Variants in NAALADL2 observed in about 807,000 individuals in gnomAD.
NAALADL2 encodes inactive N-acetylated-alpha-linked acidic dipeptidase-like protein 2.
In NAALADL2, 76 loss-of-function variants were observed where a neutral mutation model predicts 87.2. The ratio of observed to expected loss-of-function variants is 0.87; its 90% CI spans 0.72 to 1.05. The LOEUF is 1.05. Ranked by LOEUF, NAALADL2 falls within the 50% of genes least tolerant of loss-of-function variation. NAALADL2 has a pLI of 0.00. For missense variants in NAALADL2, 1,089 were observed against 945.8 expected (o/e 1.15, Z -1.99); for synonymous variants, 354 against 331.0 (o/e 1.07, Z -0.75).
At chr3:175,380,489 CA>C in intron 5 of NAALADL2, among the ~76,000 whole-genome samples, 1 of 152,096 alleles carries the variant, frequency 6.6e-6, no homozygotes, top group East Asian at 1.9e-4. Flanking sequence ...GAATTACAGA[CA>C]AAAATAAAGT....
rs147898645 is a variant in NAALADL2 at position 175,798,483 on chromosome 3, C to T, written c.2190-4522C>T. ...TATGGAAAATGTGTTTAGCTACTTG[C>T]AGAATTTCACAAACTAAAAAAAGAT... On this transcript the variant is annotated intron_variant, in intron 13 of 13. Coordinates refer to ENST00000454872, the MANE Select transcript of NAALADL2 (RefSeq NM_207015.3). Among the ~76,000 whole-genome samples the T allele has an allele frequency of 3.7e-3, 562 of 152,082 alleles. 4 individuals are homozygous for T. Among genetic ancestry groups the T allele is most frequent in the African/African-American group, 0.013 (530 of 41,522 alleles).
intron 2 of NAALADL2, among the ~76,000 whole-genome samples, chr3:174,592,258 A>G (rs1190962599): frequency 8.2e-6 from 1 of 122,162 alleles, no homozygotes; most frequent in Non-Finnish European, 1.7e-5. Flanking sequence ...TTATTTTGTT[A>G]TTATTATACT....
Position 175,279,496 on chromosome 3 carries a change from T to TA in NAALADL2, c.939+22973dup, listed in dbSNP as rs1019136335. ...AATTAAAAACATGAGGTTTTTTTTT[T>TA]AAAAAAATCTCCATTTGGTCTAAAA... On this transcript the variant is annotated intron_variant, in intron 4 of 13. Coordinates refer to ENST00000454872, the MANE Select transcript of NAALADL2 (RefSeq NM_207015.3). Among the ~76,000 whole-genome samples the TA allele has an allele frequency of 2.2e-3, 336 of 151,820 alleles. 1 individual carries two copies. Among genetic ancestry groups the TA allele is most frequent in the African/African-American group, 7.0e-3 (288 of 41,406 alleles).
intron 2 of NAALADL2, among the ~76,000 whole-genome samples, chr3:174,672,950 G>T (rs568554139): frequency 6.6e-6 from 1 of 151,750 alleles, no homozygotes; most frequent in Non-Finnish European, 1.5e-5. Flanking sequence ...GGAAACTGTC[G>T]TGGGGTTGTA....
At chr3:175,454,927 A>G (rs1383966372) in intron 6 of NAALADL2, among the ~76,000 whole-genome samples, 1 of 152,132 alleles carries the variant, frequency 6.6e-6, no homozygotes, top group Non-Finnish European at 1.5e-5. Flanking sequence ...GCAATTTAAG[A>G]GAATTTAATC....
At chr3:175,013,581 G>A (rs1004435259) in intron 1 of NAALADL2, among the ~76,000 whole-genome samples, 5 of 151,800 alleles carry the variant, frequency 3.3e-5, no homozygotes, top group African/African-American at 1.2e-4. Context: ...TTATAGGAAT[G>A]AACCACTGTA....
intron 2 of NAALADL2, among the ~76,000 whole-genome samples, chr3:174,731,252 T>C (rs989132147): frequency 1.3e-5 from 2 of 152,266 alleles, no homozygotes; most frequent in South Asian, 2.1e-4. Flanking sequence ...CAAAGGTTTG[T>C]CTTGACAGGC....
intron 4 of NAALADL2, among the ~76,000 whole-genome samples, chr3:175,293,102 A>C (rs1351397956): frequency 2.0e-5 from 3 of 151,164 alleles, no homozygotes; most frequent in Non-Finnish European, 4.4e-5. Flanking sequence ...ATTTAGTGTA[A>C]TTTTGGCTGT....
intron 11 of NAALADL2, among the ~76,000 whole-genome samples, chr3:175,692,511 A>C (rs1228931253): frequency 6.6e-6 from 1 of 152,080 alleles, no homozygotes; most frequent in Non-Finnish European, 1.5e-5. Context: ...GTTGGCTGAA[A>C]CTAGTCAGGA....
chr3:175,111,662 C>T (rs1724217404), intron 2 of NAALADL2, among the ~76,000 whole-genome samples: 2 of 151,656 alleles, frequency 1.3e-5, no homozygotes, highest in African/African-American at 4.8e-5. Flanking sequence ...CAGCGGTGGT[C>T]TACACATGCC....
At chr3:174,532,170 T>C (rs1388240668) in intron 1 of NAALADL2, among the ~76,000 whole-genome samples, 1 of 152,180 alleles carries the variant, frequency 6.6e-6, no homozygotes, top group Non-Finnish European at 1.5e-5. Context: ...TCCTTTTCAG[T>C]TTCTGGGGGA....
intron 2 of NAALADL2, among the ~76,000 whole-genome samples, chr3:175,098,428 CAA>C (rs1416341572): frequency 3.3e-5 from 5 of 152,090 alleles, no homozygotes; most frequent in Admixed American, 6.6e-5. Context: ...CAGAAATTCA[CAA>C]AATGGAGCCA....
intron 1 of NAALADL2, among the ~76,000 whole-genome samples, chr3:174,490,365 C>T (rs1718106148): frequency 6.6e-6 from 1 of 151,924 alleles, no homozygotes; most frequent in Non-Finnish European, 1.5e-5. Flanking sequence ...TGTACAGAGA[C>T]AGAAAGTAGA....
chr3:174,592,455 A>G (rs1258738327), intron 2 of NAALADL2, among the ~76,000 whole-genome samples: 1 of 152,116 alleles, frequency 6.6e-6, no homozygotes, highest in African/African-American at 2.4e-5. Flanking sequence ...ATACCTGAGA[A>G]AGTAATTAGA....
At chr3:174,594,471 C>T (rs576169474) in intron 2 of NAALADL2, among the ~76,000 whole-genome samples, 6 of 152,298 alleles carry the variant, frequency 3.9e-5, no homozygotes, top group Non-Finnish European at 5.9e-5. Context: ...TTCTTTCTGA[C>T]ATTTTTAATA....
At chr3:174,738,758 C>G (rs1403785844) in intron 3 of NAALADL2, among the ~76,000 whole-genome samples, 1 of 152,102 alleles carries the variant, frequency 6.6e-6, no homozygotes, top group African/African-American at 2.4e-5. Context: ...TTGTTGAGCT[C>G]CATTTCTGTT....
At chr3:174,854,071 T>C (rs1490050739) in intron 3 of NAALADL2, among the ~76,000 whole-genome samples, 1 of 152,166 alleles carries the variant, frequency 6.6e-6, no homozygotes, top group Non-Finnish European at 1.5e-5. Context: ...CAAAGATGTA[T>C]TTGAACTTCT....
rs781768041 is a variant in NAALADL2 at position 175,730,443 on chromosome 3, T to TAC, written c.1897-6857_1897-6856dup. ...ATATATATATATATATATATATATA[T>TAC]ACACACATACACACGCACACACACA... On this transcript the variant is annotated intron_variant, in intron 11 of 13. Transcript: ENST00000454872. Among the ~76,000 whole-genome samples, 187 of 64,476 alleles carry TAC rather than the reference T, an allele frequency of 2.9e-3. 2 individuals carry two copies. The highest frequency in any genetic ancestry group is 4.4e-3 in the Non-Finnish European group (128 of 28,876). 42.3% of individuals were successfully genotyped at this position (64,476 alleles called of 152,430 possible).
At chr3:175,739,887 C>T (rs1328350938) in intron 12 of NAALADL2, among the ~76,000 whole-genome samples, 1 of 152,120 alleles carries the variant, frequency 6.6e-6, no homozygotes, top group Non-Finnish European at 1.5e-5. Context: ...ATATTAATTA[C>T]TTTGATACAA....
Sources: gnomAD v4.1 joint callset for allele counts (sites outside exome capture counted in the v4.1 genomes callset) on GRCh38, gnomAD v4.1.1 for gene constraint, MANE v1.5 for transcripts, NCBI Gene and HGNC (gene_info 2026-07-23, HGNC 2026-07-21) for gene names.